The following FHIP1A variants were observed in gnomAD, a reference collection of about 807,000 sequenced individuals.
The protein encoded by FHIP1A is FHF complex subunit HOOK interacting protein 1A.
Under a neutral mutation model 88.6 loss-of-function variants are expected in FHIP1A, and 61 were observed. The observed-to-expected ratio is 0.69, with a 90% confidence interval of 0.56 to 0.85. The LOEUF (loss-of-function observed/expected upper bound fraction) is 0.85, where lower values mean the gene tolerates loss of function less well. FHIP1A is among the 40% of genes least tolerant of loss of function. The pLI, the probability that FHIP1A is intolerant of heterozygous loss-of-function variation, is 0.00. For synonymous variants in FHIP1A, 478 were observed against 496.0 expected (o/e 0.96, Z 0.48); for missense variants, 1,154 against 1,273.5 (o/e 0.91, Z 1.43).
chr4:151,412,303 G>A (rs946063772), intron 1 of FHIP1A, among the ~76,000 whole-genome samples: 3 of 151,858 alleles, frequency 2.0e-5, no homozygotes, highest in Non-Finnish European at 2.9e-5. Flanking sequence ...ATGGGGTTTC[G>A]CCATGTTGGC....
chr4:151,447,044 T>TTA (rs1251414752), intron 1 of FHIP1A, among the ~76,000 whole-genome samples: 1 of 152,204 alleles, frequency 6.6e-6, no homozygotes, highest in Non-Finnish European at 1.5e-5. Context: ...ATTTAATGAT[T>TTA]TACCCTGAAG....
At chr4:151,503,664 A>G (rs919208619) in intron 3 of FHIP1A, among the ~76,000 whole-genome samples, 3 of 152,194 alleles carry the variant, frequency 2.0e-5, no homozygotes, top group African/African-American at 7.2e-5. Flanking sequence ...AAAAATGGGA[A>G]TACTTGGTTA....
chr4:151,651,440 C>T (rs1198055530), intron 11 of FHIP1A, among the ~76,000 whole-genome samples: 3 of 152,154 alleles, frequency 2.0e-5, no homozygotes, highest in Non-Finnish European at 4.4e-5. Flanking sequence ...GGATGGTGTT[C>T]AGGTAGCAAG....
intron 3 of FHIP1A, among the ~76,000 whole-genome samples, chr4:151,526,156 T>C (rs1731624956): frequency 6.6e-6 from 1 of 152,214 alleles, no homozygotes; most frequent in South Asian, 2.1e-4. Context: ...CATGTCTACC[T>C]CTTTCCACAC....
chr4:151,634,385 A>AC (rs1553961600), intron 8 of FHIP1A, among the ~76,000 whole-genome samples: 1 of 151,826 alleles, frequency 6.6e-6, no homozygotes, highest in Non-Finnish European at 1.5e-5. Flanking sequence ...TCCCAATGGC[A>AC]TTTTTTGGGC....
intron 1 of FHIP1A, among the ~76,000 whole-genome samples, chr4:151,412,487 A>T (rs1450141624): frequency 1.3e-5 from 2 of 152,152 alleles, no homozygotes; most frequent in Non-Finnish European, 2.9e-5. Flanking sequence ...TCTGATTTAC[A>T]GCCCATGCTT....
intron 2 of FHIP1A, among the ~76,000 whole-genome samples, chr4:151,479,762 A>C (rs1729831282): frequency 6.6e-6 from 1 of 151,974 alleles, no homozygotes; most frequent in African/African-American, 2.4e-5. Flanking sequence ...CAAAGTGTTC[A>C]TTTGGTGGTT....
At chr4:151,560,037 G>A (rs780427646) in intron 3 of FHIP1A, among the ~76,000 whole-genome samples, 11 of 152,118 alleles carry the variant, frequency 7.2e-5, no homozygotes, top group Admixed American at 1.3e-4. Context: ...TTGAAGCGGG[G>A]CACCTCATGG....
Position 151,663,895 on chromosome 4 carries a change from T to C in FHIP1A, c.*1141T>C, listed in dbSNP as rs1737566258. On this transcript the variant is annotated 3_prime_UTR_variant, in exon 14 of 14. Coordinates refer to ENST00000435205, the MANE Select transcript of FHIP1A (RefSeq NM_001109977.3). ...CATGGAAATGCTGCCTTCCGAGTAA[T>C]GGGGTTCATTAGAAGGCCCCAACGT... Among the ~76,000 whole-genome samples the C allele has an allele frequency of 6.6e-6, 1 of 152,148 alleles. No individual in the cohort carries two copies. The highest frequency in any genetic ancestry group is 2.4e-5 in the African/African-American group (1 of 41,430).
chr4:151,555,509 CT>C (rs1031565264), intron 3 of FHIP1A, among the ~76,000 whole-genome samples: 6 of 152,024 alleles, frequency 3.9e-5, no homozygotes, highest in African/African-American at 1.4e-4. Context: ...GAATTCTGTA[CT>C]TTTTTATTTT....
At chr4:151,603,462 T>C (rs1450283962) in intron 7 of FHIP1A, among the ~76,000 whole-genome samples, 1 of 152,166 alleles carries the variant, frequency 6.6e-6, no homozygotes, top group Non-Finnish European at 1.5e-5. Context: ...CTCTGCTGAC[T>C]GGATGTTGTC....
At chr4:151,459,849 A>G (rs1366688943) in intron 2 of FHIP1A, among the ~76,000 whole-genome samples, 1 of 152,204 alleles carries the variant, frequency 6.6e-6, no homozygotes, top group Admixed American at 6.6e-5. Flanking sequence ...ACAACTATTT[A>G]TTAAGGTTGA....
At chr4:151,487,090 T>C (rs1240467824) in intron 3 of FHIP1A, among the ~76,000 whole-genome samples, 1 of 152,174 alleles carries the variant, frequency 6.6e-6, no homozygotes, top group Non-Finnish European at 1.5e-5. Flanking sequence ...GCAGTTCTTC[T>C]AGGTAATTCT....
In FHIP1A at chr4:151,649,614, T is replaced by C. The variant is rs909748525; in HGVS notation, c.1573T>C (p.Tyr525His). ...GGACTGCCGTGTCTGGTCCGCCCTG[T>C]ATGATGGCGACTCCCCCGACCCTGA... Reference protein sequence around the residue: ...MRDCRVWSALYDGDSPDPEMF... With the variant: ...MRDCRVWSALHDGDSPDPEMF... The change falls in exon 11 of 14, where the codon TAT becomes CAT. Residue 525 changes from tyrosine to histidine, a missense_variant. Coordinates refer to ENST00000435205, the MANE Select transcript of FHIP1A (RefSeq NM_001109977.3). 4 of 1,551,686 alleles carry C rather than the reference T, an allele frequency of 2.6e-6. No homozygotes were observed. The highest frequency in any genetic ancestry group is 2.6e-6 in the Non-Finnish European group (3 of 1,146,980).
At chr4:151,451,195 C>T (rs914787513) in intron 1 of FHIP1A, among the ~76,000 whole-genome samples, 1 of 151,948 alleles carries the variant, frequency 6.6e-6, no homozygotes, top group African/African-American at 2.4e-5. Flanking sequence ...GGGTTTTCAT[C>T]TTTTTCTTAT....
intron 8 of FHIP1A, among the ~76,000 whole-genome samples, chr4:151,633,967 T>C (rs1736252330): frequency 6.6e-6 from 1 of 151,774 alleles, no homozygotes; most frequent in South Asian, 2.1e-4. Context: ...GCATTTAAAT[T>C]GGATAGAAAG....
At chr4:151,544,769 G>A (rs1330993878) in intron 3 of FHIP1A, among the ~76,000 whole-genome samples, 1 of 152,164 alleles carries the variant, frequency 6.6e-6, no homozygotes, top group Non-Finnish European at 1.5e-5. Flanking sequence ...TCTTGCCTCT[G>A]GAACCAGTTC....
chr4:151,551,863 C>G (rs1251705677), intron 3 of FHIP1A, among the ~76,000 whole-genome samples: 1 of 151,942 alleles, frequency 6.6e-6, no homozygotes, highest in African/African-American at 2.4e-5. Flanking sequence ...GAGTGCACAG[C>G]AAAAGAAACT....
intron 2 of FHIP1A, among the ~76,000 whole-genome samples, chr4:151,464,997 A>G (rs1002629084): frequency 2.0e-5 from 3 of 152,116 alleles, no homozygotes; most frequent in Non-Finnish European, 4.4e-5. Flanking sequence ...ATTTGAGGCC[A>G]GGAATTTGAG....
Sources: allele counts gnomAD v4.1 joint callset (sites outside exome capture counted in the v4.1 genomes callset), GRCh38; gene constraint gnomAD v4.1.1; transcripts MANE v1.5; gene names NCBI Gene and HGNC (gene_info 2026-07-23, HGNC 2026-07-21).